The following UBR3 variants were observed in gnomAD, a reference collection of about 807,000 sequenced individuals.
The protein encoded by UBR3 is ubiquitin protein ligase E3 component n-recognin 3.
In UBR3, 85 loss-of-function variants were observed where a neutral mutation model predicts 243.2. The observed-to-expected ratio is 0.35, with a 90% CI of 0.29 to 0.42. UBR3 has a LOEUF of 0.42. Ranked by LOEUF, UBR3 falls within the 10% of genes least tolerant of loss-of-function variation. The pLI, the probability that UBR3 is intolerant of heterozygous loss-of-function variation, is 1.00. For synonymous variants in UBR3, 748 were observed against 799.8 expected (o/e 0.94, Z 1.09); for missense variants, 1,686 against 2,300.8 (o/e 0.73, Z 5.47).
At chr2:170,080,069 A>C in intron 37 of UBR3, 46 bp downstream of exon 37, 107 of 1,515,300 alleles carry the variant, frequency 7.1e-5, no homozygotes, top group Middle Eastern at 1.7e-4. Flanking sequence ...CACAGATCTC[A>C]TATCACAAAA....
chr2:170,073,750 G>A (rs930267610), intron 36 of UBR3, 143 bp downstream of exon 36: 2 of 820,560 alleles, frequency 2.4e-6, no homozygotes, highest in South Asian at 2.0e-5. Flanking sequence ...GTTTACTTAT[G>A]TAGATTGTAT....
intron 23 of UBR3, among the ~76,000 whole-genome samples, chr2:169,952,014 C>A (rs1427738048): frequency 2.6e-5 from 4 of 152,062 alleles, no homozygotes; most frequent in Non-Finnish European, 5.9e-5. Flanking sequence ...GAGGGACACC[C>A]AGGTGAAGGT....
At chr2:170,023,963 A>G (rs150006541) in intron 30 of UBR3, among the ~76,000 whole-genome samples, 6,570 of 152,214 alleles carry the variant, frequency 0.043, 212 homozygotes, top group East Asian at 0.1. Flanking sequence ...TGGCCTCCCA[A>G]AGTGCTGGGA....
intron 35 of UBR3, among the ~76,000 whole-genome samples, chr2:170,067,768 TA>T (rs1311701574): frequency 1.1e-4 from 13 of 116,676 alleles, no homozygotes; most frequent in Admixed American, 9.9e-4. Flanking sequence ...CACAAGGAAA[TA>T]ATTTTTTTTT....
intron 5 of UBR3, among the ~76,000 whole-genome samples, chr2:169,886,877 C>G (rs1448003931): frequency 6.6e-6 from 1 of 152,116 alleles, no homozygotes; most frequent in Non-Finnish European, 1.5e-5. Context: ...CAAGTTTCAT[C>G]TTATTGTTAT....
intron 1 of UBR3, among the ~76,000 whole-genome samples, chr2:169,855,680 T>C (rs529508776): frequency 1.3e-5 from 2 of 152,332 alleles, no homozygotes; most frequent in Admixed American, 6.5e-5. Context: ...GGCCATAGAT[T>C]AACAGCATCC....
At chr2:169,867,393 A>T (rs771887972) in intron 1 of UBR3, among the ~76,000 whole-genome samples, 2 of 152,226 alleles carry the variant, frequency 1.3e-5, no homozygotes, top group Non-Finnish European at 2.9e-5. Flanking sequence ...AAATCAAAAT[A>T]TGTTATGGAT....
intron 13 of UBR3, 107 bp from the exon 14 acceptor site, chr2:169,925,512 G>T: frequency 2.0e-6 from 2 of 1,010,654 alleles, no homozygotes; most frequent in South Asian, 2.0e-5. Context: ...CAGAATATCG[G>T]GCTTATACTA....
At chr2:169,880,510 T>A (rs1394024918) in intron 5 of UBR3, among the ~76,000 whole-genome samples, 1 of 152,166 alleles carries the variant, frequency 6.6e-6, no homozygotes, top group Non-Finnish European at 1.5e-5. Context: ...CTCTCCAGAT[T>A]AGCATTTGAA....
chr2:169,953,196 C>T (rs1394990279), intron 23 of UBR3, among the ~76,000 whole-genome samples: 1 of 152,042 alleles, frequency 6.6e-6, no homozygotes, highest in Non-Finnish European at 1.5e-5. Flanking sequence ...GTTTTGTTTT[C>T]TTTGAACAAT....
At chr2:169,941,132 T>C (rs191248665) in intron 19 of UBR3, among the ~76,000 whole-genome samples, 27 of 152,308 alleles carry the variant, frequency 1.8e-4, no homozygotes, top group Non-Finnish European at 3.5e-4. Context: ...CATGTCACAG[T>C]GCTTACCATC....
At chr2:170,049,394 A>G (rs2091164950) in intron 32 of UBR3, among the ~76,000 whole-genome samples, 1 of 152,188 alleles carries the variant, frequency 6.6e-6, no homozygotes, top group Admixed American at 6.5e-5. Context: ...TTGCTGTCTC[A>G]GGGGTGGCAA....
intron 24 of UBR3, among the ~76,000 whole-genome samples, chr2:169,976,175 C>A (rs142719107): frequency 6.6e-6 from 1 of 151,794 alleles, no homozygotes; most frequent in East Asian, 1.9e-4. Context: ...GGTTTACATT[C>A]AAGTTTATTA....
intron 31 of UBR3, among the ~76,000 whole-genome samples, chr2:170,038,577 A>T (rs1241368968): frequency 2.0e-5 from 3 of 152,206 alleles, no homozygotes; most frequent in Admixed American, 1.3e-4. Context: ...GGCCATAGGG[A>T]TGGCAAAGAG....
intron 32 of UBR3, among the ~76,000 whole-genome samples, chr2:170,052,348 G>A (rs947092422): frequency 2.0e-5 from 3 of 152,108 alleles, no homozygotes; most frequent in Non-Finnish European, 4.4e-5. Flanking sequence ...ACTTCTGGGT[G>A]TACATCCTAA....
chr2:170,016,084 A>G (rs1237459185), intron 30 of UBR3, among the ~76,000 whole-genome samples: 1 of 138,552 alleles, frequency 7.2e-6, no homozygotes, highest in Non-Finnish European at 1.6e-5. Flanking sequence ...TTTAAAACAC[A>G]TAATATATTC....
At chr2:170,049,664 T>C (rs201297804) in intron 32 of UBR3, among the ~76,000 whole-genome samples, 1 of 152,256 alleles carries the variant, frequency 6.6e-6, no homozygotes, top group East Asian at 1.9e-4. Flanking sequence ...GTCCTTTACC[T>C]TGTGTTGCCC....
intron 36 of UBR3, among the ~76,000 whole-genome samples, chr2:170,074,842 G>A (rs925130481): frequency 9.2e-5 from 14 of 151,996 alleles, no homozygotes; most frequent in African/African-American, 3.4e-4. Context: ...TCTGAATGGG[G>A]GCTCCACGAA....
In UBR3 at chr2:170,073,427, G is replaced by A; in HGVS notation, c.5020-1G>A. ...AGAATTTCCTATTTCATGTCTAAAA[G>A]GAAGAAGAAGAATTTTCAGTTCTTG... On this transcript the variant is annotated splice_acceptor_variant, in intron 35 of 38. Transcript: ENST00000272793. LOFTEE classifies it high-confidence loss of function. The A allele has an allele frequency of 6.2e-7, 1 of 1,613,288 alleles. No individual in the cohort carries two copies. The highest frequency in any genetic ancestry group is 8.5e-7 in the Non-Finnish European group (1 of 1,179,518).
Sources: allele counts gnomAD v4.1 joint callset (sites outside exome capture counted in the v4.1 genomes callset), GRCh38; gene constraint gnomAD v4.1.1; transcripts MANE v1.5; gene names NCBI Gene and HGNC (gene_info 2026-07-23, HGNC 2026-07-21).